Variants in RFX3 observed in about 807,000 individuals in gnomAD.
The protein encoded by RFX3 is regulatory factor X3, also known as transcription factor RFX3.
A neutral mutation model predicts 98.6 loss-of-function variants in RFX3; 14 were observed. The observed-to-expected ratio is 0.14, with a 90% confidence interval of 0.09 to 0.22. The LOEUF (loss-of-function observed/expected upper bound fraction) is 0.22, where lower values mean the gene tolerates loss of function less well. Ranked by LOEUF, RFX3 falls within the 10% of genes least tolerant of loss-of-function variation. The pLI, the probability that RFX3 is intolerant of heterozygous loss-of-function variation, is 1.00. For missense variants in RFX3, 639 were observed against 926.9 expected (o/e 0.69, Z 4.03); for synonymous variants, 383 against 328.4 (o/e 1.17, Z -1.80).
intron 2 of RFX3, among the ~76,000 whole-genome samples, chr9:3,353,515 G>A (rs1010160320): frequency 1.3e-5 from 2 of 151,970 alleles, no homozygotes. Flanking sequence ...GGTTTAAGAT[G>A]TGATTACCCA....
chr9:3,455,971 T>C (rs907930068), intron 1 of RFX3, among the ~76,000 whole-genome samples: 3 of 152,184 alleles, frequency 2.0e-5, no homozygotes, highest in South Asian at 4.1e-4. Context: ...TATCTGACAA[T>C]CCTTGGCTGG....
At chr9:3,301,415 A>T in intron 5 of RFX3, 131 bp downstream of exon 5, 1 of 556,564 alleles carries the variant, frequency 1.8e-6, no homozygotes, top group African/African-American at 1.9e-5. Flanking sequence ...TGACACAGAG[A>T]TCATAAGGGG....
chr9:3,420,640 C>A (rs1284110648), intron 1 of RFX3: 1 of 261,250 alleles, frequency 3.8e-6, no homozygotes, highest in African/African-American at 2.3e-5. Flanking sequence ...CTTTCAGCTG[C>A]ATCACCGTAT....
chr9:3,260,290 G>A (rs144733673), intron 13 of RFX3, among the ~76,000 whole-genome samples: 20 of 152,002 alleles, frequency 1.3e-4, no homozygotes, highest in Admixed American at 3.9e-4. Context: ...CAAAAATAGA[G>A]GAAAAGAAAG....
At chr9:3,376,024 A>C (rs1362551433) in intron 2 of RFX3, among the ~76,000 whole-genome samples, 2 of 152,214 alleles carry the variant, frequency 1.3e-5, no homozygotes, top group African/African-American at 4.8e-5. Context: ...AAAGGGAAGA[A>C]TAGTAAGCTC....
At chr9:3,416,720 A>T (rs1843017609) in intron 1 of RFX3, among the ~76,000 whole-genome samples, 1 of 152,174 alleles carries the variant, frequency 6.6e-6, no homozygotes, top group South Asian at 2.1e-4. Flanking sequence ...CCACTGAAAG[A>T]GTAAAACATA....
At chr9:3,414,083 A>G (rs980398802) in intron 1 of RFX3, among the ~76,000 whole-genome samples, 1 of 152,140 alleles carries the variant, frequency 6.6e-6, no homozygotes, top group Admixed American at 6.5e-5. Context: ...TGTGAAAATT[A>G]TGTGTGTGTT....
intron 1 of RFX3, among the ~76,000 whole-genome samples, chr9:3,500,879 G>A (rs1334712262): frequency 1.3e-5 from 2 of 152,098 alleles, no homozygotes; most frequent in Non-Finnish European, 2.9e-5. Context: ...TTCTGTTAAG[G>A]ATCTGATCTT....
chr9:3,258,673 T>C lies in RFX3; in HGVS notation c.1606-1474A>G, dbSNP rs903156449. Among the ~76,000 whole-genome samples, 44 of 151,930 alleles carry C rather than the reference T, an allele frequency of 2.9e-4. 1 individual carries two copies. The highest frequency in any genetic ancestry group is 1.5e-5 in the Non-Finnish European group (1 of 67,870). On this transcript the variant is annotated intron_variant, in intron 13 of 16. Transcript: ENST00000617270. ...ATATCATTATAGAAAAAACTGTGAA[T>C]ACAAATAAGCAAAAAAGGAACAAAA...
intron 1 of RFX3, among the ~76,000 whole-genome samples, chr9:3,405,792 T>C (rs1363932344): frequency 3.3e-5 from 5 of 152,172 alleles, no homozygotes; most frequent in African/African-American, 1.2e-4. Context: ...CTACCTATAA[T>C]AGGTTCTCAG....
intron 1 of RFX3, among the ~76,000 whole-genome samples, chr9:3,403,625 C>A (rs1246047918): frequency 6.6e-6 from 1 of 152,060 alleles, no homozygotes; most frequent in African/African-American, 2.4e-5. Flanking sequence ...TTATGAAAAA[C>A]TATTACTTAA....
At chr9:3,493,695 A>AT in intron 1 of RFX3, among the ~76,000 whole-genome samples, 3 of 123,476 alleles carry the variant, frequency 2.4e-5, no homozygotes, top group African/African-American at 1.1e-4. Context: ...AAAAAAAAAA[A>AT]AAAAAATATA....
At chr9:3,401,135 T>C (rs1457687278) in intron 1 of RFX3, among the ~76,000 whole-genome samples, 1 of 152,216 alleles carries the variant, frequency 6.6e-6, no homozygotes, top group Non-Finnish European at 1.5e-5. Flanking sequence ...ATTTCTTCTC[T>C]TTCAACAGAG....
At chr9:3,424,939 T>A (rs951380622) in intron 1 of RFX3, among the ~76,000 whole-genome samples, 2 of 152,104 alleles carry the variant, frequency 1.3e-5, no homozygotes, top group Non-Finnish European at 2.9e-5. Flanking sequence ...TAAGAAATGA[T>A]TTTTTGTTGG....
chr9:3,436,785 G>A (rs1181318883), intron 1 of RFX3, among the ~76,000 whole-genome samples: 7 of 151,912 alleles, frequency 4.6e-5, no homozygotes, highest in Non-Finnish European at 1.0e-4. Context: ...GATAGGAAAC[G>A]ATCACACCCA....
intron 6 of RFX3, among the ~76,000 whole-genome samples, chr9:3,290,577 A>T (rs1007853486): frequency 3.3e-5 from 5 of 152,212 alleles, no homozygotes; most frequent in Non-Finnish European, 7.3e-5. Context: ...TGGTTTTGAA[A>T]AAAAGTACTA....
intron 3 of RFX3, among the ~76,000 whole-genome samples, chr9:3,342,413 T>C (rs1167801878): frequency 1.3e-5 from 2 of 152,170 alleles, no homozygotes; most frequent in East Asian, 3.8e-4. Flanking sequence ...GAGAAATCTA[T>C]AATCTAAACA....
At chr9:3,288,808 T>A (rs1317950522) in intron 6 of RFX3, among the ~76,000 whole-genome samples, 1 of 152,150 alleles carries the variant, frequency 6.6e-6, no homozygotes, top group African/African-American at 2.4e-5. Flanking sequence ...TACTTAATAT[T>A]TTGAAACCTA....
At chr9:3,505,045 A>T (rs1564186354) in intron 1 of RFX3, among the ~76,000 whole-genome samples, 2 of 91,030 alleles carry the variant, frequency 2.2e-5, no homozygotes, top group African/African-American at 9.0e-5. Context: ...AATATATTTT[A>T]TATTATATAT....
Sources: gnomAD v4.1 joint callset for allele counts (sites outside exome capture counted in the v4.1 genomes callset) on GRCh38, gnomAD v4.1.1 for gene constraint, MANE v1.5 for transcripts, NCBI Gene and HGNC (gene_info 2026-07-23, HGNC 2026-07-21) for gene names.